Variants in PBRM1 observed in about 807,000 individuals in gnomAD.
PBRM1 encodes polybromo 1, also known as protein polybromo-1.
Under a neutral mutation model 194.5 loss-of-function variants are expected in PBRM1, and 27 were observed. The ratio of observed to expected loss-of-function variants is 0.14; its 90% CI spans 0.10 to 0.19. PBRM1 has a LOEUF of 0.19. Among genes scored for constraint, PBRM1 ranks in the 10% least tolerant of loss-of-function variants. PBRM1 has a pLI of 1.00. For synonymous variants in PBRM1, 655 were observed against 693.2 expected (o/e 0.94, Z 0.87); for missense variants, 1,466 against 2,077.2 (o/e 0.71, Z 5.72).
intron 7 of PBRM1, among the ~76,000 whole-genome samples, chr3:52,646,915 C>T (rs554116567): frequency 1.3e-5 from 2 of 152,196 alleles, no homozygotes; most frequent in East Asian, 3.9e-4. Flanking sequence ...ATAAAGTGAA[C>T]TTCAAAATGA....
chr3:52,634,604 G>C (rs2153643114), exon 11 of PBRM1: 2 of 1,574,292 alleles, frequency 1.3e-6, no homozygotes, highest in Non-Finnish European at 1.7e-6. Flanking sequence ...CATCTTACCG[G>C]ATCTGTTGTA....
At chr3:52,596,971 A>G (rs2093614345) in intron 17 of PBRM1, among the ~76,000 whole-genome samples, 1 of 152,090 alleles carries the variant, frequency 6.6e-6, no homozygotes, top group Admixed American at 6.6e-5. Flanking sequence ...GCCCTTTAGC[A>G]CACAGTGGCA....
At chr3:52,603,187 C>A (rs1343760320) in intron 17 of PBRM1, among the ~76,000 whole-genome samples, 9 of 152,218 alleles carry the variant, frequency 5.9e-5, no homozygotes, top group Admixed American at 5.2e-4. Flanking sequence ...CATGGACTCA[C>A]TGTTGAGAAT....
intron 13 of PBRM1, among the ~76,000 whole-genome samples, chr3:52,619,502 A>AT (rs954304913): frequency 1.3e-5 from 2 of 151,952 alleles, no homozygotes; most frequent in Non-Finnish European, 2.9e-5. Flanking sequence ...CAATTAAAAA[A>AT]TTTTTTTTTC....
upstream of PBRM1, among the ~76,000 whole-genome samples, chr3:52,684,624 A>C (rs980206010): frequency 2.6e-5 from 4 of 152,222 alleles, no homozygotes; most frequent in Admixed American, 1.3e-4. Flanking sequence ...CACATATATT[A>C]TTCTACAGCC....
At chr3:52,654,844 G>C (rs987996314) in intron 5 of PBRM1, among the ~76,000 whole-genome samples, 1 of 152,214 alleles carries the variant, frequency 6.6e-6, no homozygotes, top group South Asian at 2.1e-4. Context: ...TTGGAGTGAA[G>C]TGGCATGATC....
At chr3:52,581,347 T>A (rs2091116675) in intron 20 of PBRM1, among the ~76,000 whole-genome samples, 1 of 151,964 alleles carries the variant, frequency 6.6e-6, no homozygotes, top group Admixed American at 6.6e-5. Context: ...CCATCTCTAT[T>A]AAAGATACAA....
At chr3:52,621,305 GCC>G (rs1265318290) in intron 13 of PBRM1, among the ~76,000 whole-genome samples, 2 of 152,050 alleles carry the variant, frequency 1.3e-5, no homozygotes, top group African/African-American at 2.4e-5. Flanking sequence ...GACTACAGGT[GCC>G]TGCCACCACG....
At chr3:52,610,912 C>T (rs2094573372) in intron 15 of PBRM1, among the ~76,000 whole-genome samples, 1 of 152,106 alleles carries the variant, frequency 6.6e-6, no homozygotes, top group Non-Finnish European at 1.5e-5. Context: ...ACACTCTAGC[C>T]TGGGCGACAG....
At chr3:52,650,385 T>G (rs201520884) in intron 6 of PBRM1, among the ~76,000 whole-genome samples, 1 of 119,348 alleles carries the variant, frequency 8.4e-6, no homozygotes, top group Non-Finnish European at 1.7e-5. Context: ...AAAAAAACCC[T>G]AAAAAAAAAA....
chr3:52,571,446 T>A (rs1301761720), intron 22 of PBRM1, among the ~76,000 whole-genome samples: 1 of 150,036 alleles, frequency 6.7e-6, no homozygotes, highest in African/African-American at 2.5e-5. Context: ...GCCAACATGG[T>A]GAAACCCCGT....
At chr3:52,650,636 G>C (rs2096464813) in intron 6 of PBRM1, among the ~76,000 whole-genome samples, 1 of 152,128 alleles carries the variant, frequency 6.6e-6, no homozygotes, top group South Asian at 2.1e-4. Flanking sequence ...GGGAAGATCA[G>C]TAACTCACAT....
intron 17 of PBRM1, among the ~76,000 whole-genome samples, chr3:52,591,460 A>G (rs1026091840): frequency 4.2e-5 from 6 of 144,436 alleles, no homozygotes; most frequent in Non-Finnish European, 1.5e-5. Context: ...AGTTTTTAAT[A>G]TGTCAAAAAG....
intron 4 of PBRM1, among the ~76,000 whole-genome samples, chr3:52,660,499 A>G (rs1436931985): frequency 6.6e-6 from 1 of 151,882 alleles, no homozygotes; most frequent in Non-Finnish European, 1.5e-5. Context: ...TATTTTGTGT[A>G]TATCTATCTA....
chr3:52,664,710 G>A (rs1452485891), intron 3 of PBRM1, among the ~76,000 whole-genome samples: 3 of 151,470 alleles, frequency 2.0e-5, no homozygotes, highest in Admixed American at 6.6e-5. Context: ...CTCCAGCCTG[G>A]GCATCAGAGC....
intron 21 of PBRM1, among the ~76,000 whole-genome samples, chr3:52,577,183 C>G (rs1340145451): frequency 6.6e-6 from 1 of 152,184 alleles, no homozygotes; most frequent in Non-Finnish European, 1.5e-5. Context: ...GTAATCCCAG[C>G]ACTTTGGGAG....
chr3:52,665,214 G>A (rs2096806860), intron 3 of PBRM1, among the ~76,000 whole-genome samples: 1 of 152,116 alleles, frequency 6.6e-6, no homozygotes, highest in East Asian at 1.9e-4. Flanking sequence ...AAGTGCAGTG[G>A]CATGATCATA....
intron 10 of PBRM1, 138 bp from the exon 12 acceptor site, chr3:52,634,953 T>A (rs995356208): frequency 2.9e-6 from 2 of 679,244 alleles, no homozygotes; most frequent in Non-Finnish European, 4.9e-6. Context: ...TGAGACAGGG[T>A]CTGGCTTTGT....
rs185467230 is a variant in PBRM1, at chr3:52,578,687, C to A, written c.3533+367G>T. ...AATGAACACCGATATGTGATATATA[C>A]GCTAAGGAGAAGGAAATATGTGGTG... On this transcript the variant is annotated intron_variant, in intron 21 of 29. Transcript: ENST00000296302. Among the ~76,000 whole-genome samples the A allele has an allele frequency of 8.3e-4, 127 of 152,288 alleles. 2 individuals carry two copies. Among genetic ancestry groups the A allele is most frequent in the African/African-American group, 2.5e-3 (104 of 41,554 alleles).
Sources: gnomAD v4.1 joint callset for allele counts (sites outside exome capture counted in the v4.1 genomes callset) on GRCh38, gnomAD v4.1.1 for gene constraint, MANE v1.5 for transcripts, NCBI Gene and HGNC (gene_info 2026-07-23, HGNC 2026-07-21) for gene names.